The following COPG2 variants were observed in gnomAD, a reference collection of about 807,000 sequenced individuals.
COPG2 encodes the protein coatomer subunit gamma-2.
COPG2 carries 37 observed loss-of-function variants against 46.3 expected under a neutral mutation model. The observed-to-expected ratio is 0.80, with a 90% CI of 0.61 to 1.05. COPG2 has a LOEUF of 1.05. COPG2 is among the 50% of genes least tolerant of loss of function. The pLI, the probability that COPG2 is intolerant of heterozygous loss-of-function variation, is 0.00. For synonymous variants in COPG2, 159 were observed against 129.7 expected, an observed-to-expected ratio of 1.23 and a Z score of -1.53; for missense variants, 427 against 387.8, an observed-to-expected ratio of 1.10 and a Z score of -0.85.
chr7:130,603,955 T>C (rs1181772665), intron 9 of COPG2: 6 of 443,568 alleles, frequency 1.4e-5, no homozygotes, highest in African/African-American at 1.2e-4. Context: ...GTAATATATA[T>C]TGTATTCTTA....
intron 9 of COPG2, among the ~76,000 whole-genome samples, chr7:130,609,476 G>A (rs971985258): frequency 7.9e-5 from 12 of 152,298 alleles, no homozygotes; most frequent in Non-Finnish European, 1.8e-4. Flanking sequence ...CCCCAGCCAC[G>A]TGGAATTGTA....
At chr7:130,535,459 C>A (rs1247224308) in intron 20 of COPG2, among the ~76,000 whole-genome samples, 1 of 151,662 alleles carries the variant, frequency 6.6e-6, no homozygotes, top group Non-Finnish European at 1.5e-5. Context: ...AGAGTAGGAA[C>A]CAAGGAATGT....
chr7:130,617,021 G>A lies in COPG2; in HGVS notation c.368C>T (p.Pro123Leu), dbSNP rs782569673. 14 of 1,611,012 alleles carry A rather than the reference G, an allele frequency of 8.7e-6. No individual in the cohort carries two copies. Among genetic ancestry groups the A allele is most frequent in the South Asian group, 5.5e-5 (5 of 90,794 alleles). Residue 123 changes from proline to leucine, a missense_variant, in exon 6 of 24, where the codon CCG becomes CTG. By Grantham distance (98) the Pro-to-Leu change is moderately conservative. Coordinates refer to ENST00000425248, the MANE Select transcript of COPG2 (RefSeq NM_012133.6). ...GATCCTGCAGAGAGCTCTGATGGCC[G>A]GGCCTCGGTATACATCTTCTTTTCC... is the stretch of plus-strand genomic sequence containing the variant. Reference protein sequence around the residue: ...MTGKEDVYRGPAIRALCRITD... With the variant: ...MTGKEDVYRGLAIRALCRITD...
At chr7:130,507,063 T>C (rs947283615) in intron 23 of COPG2, among the ~76,000 whole-genome samples, 14 of 152,212 alleles carry the variant, frequency 9.2e-5, no homozygotes, top group African/African-American at 3.1e-4. Flanking sequence ...GGCCTTGGTA[T>C]CTGTTGGAGA....
intron 13 of COPG2, 50 bp downstream of exon 13, chr7:130,554,987 C>G (rs965931404): frequency 5.0e-6 from 2 of 397,962 alleles, no homozygotes; most frequent in Non-Finnish European, 8.9e-6. Flanking sequence ...CATGGCAATC[C>G]TAAGAATTTA....
rs10695449 is a variant in COPG2 at position 130,618,100 on chromosome 7, C to CAAAA, written c.324-1039_324-1036dup. Among the ~76,000 whole-genome samples the CAAAA allele has an allele frequency of 2.3e-3, 151 of 64,598 alleles. 7 individuals carry two copies. Among genetic ancestry groups the CAAAA allele is most frequent in the African/African-American group, 7.0e-3 (130 of 18,504 alleles). The allele number at this position is 64,598 out of a possible 152,430, so 42.4% of individuals were successfully genotyped here. A position where few individuals can be genotyped will look rare whatever the true frequency, so the allele number is the denominator to read the frequency against. ...TGGGTGACAGAGTGAGACCCTGTCTCAAAAAAAAAAAAAAAAAAAGACTTT... is the reference window on the plus strand; with the variant it reads ...TGGGTGACAGAGTGAGACCCTGTCTCAAAAAAAAAAAAAAAAAAAAAAAGACTTT... On this transcript the variant is annotated intron_variant, in intron 5 of 23. Transcript: ENST00000425248.
chr7:130,645,394 A>G (rs1795576140), intron 5 of COPG2: 1 of 529,804 alleles, frequency 1.9e-6, no homozygotes, highest in African/African-American at 1.9e-5. Context: ...GACCGACTCC[A>G]TGGGCTCCAC....
rs989269700 is a variant in COPG2 at position 130,594,306 on chromosome 7, C to A, written c.737+16647G>T. Among the ~76,000 whole-genome samples, 5 of 152,026 alleles carry A rather than the reference C, an allele frequency of 3.3e-5. No homozygotes were observed. In the East Asian group the frequency reaches 5.8e-4, roughly 18 times the overall value. ...AAACGGTGCTGAGACAACTGGATAG[C>A]CACATGCAAAGAATTAAGTTGAATC... On this transcript the variant is annotated intron_variant, in intron 9 of 23. Coordinates refer to ENST00000425248, the MANE Select transcript of COPG2 (RefSeq NM_012133.6).
rs548326178 is a variant in COPG2, at chr7:130,591,731, G to A, written c.737+19222C>T. ...CCGCCCAGTCCGGGAAGGAGGTGGGGGGGTCAGCCCCCCGCCCGGCCAGCC... is the reference window on the plus strand; with the variant it reads ...CCGCCCAGTCCGGGAAGGAGGTGGGAGGGTCAGCCCCCCGCCCGGCCAGCC... On this transcript the variant is annotated intron_variant, in intron 9 of 23. Coordinates refer to ENST00000425248, the MANE Select transcript of COPG2 (RefSeq NM_012133.6). 3.1e-3 allele frequency among the ~76,000 whole-genome samples: 445 copies of A among 141,658 alleles called. 2 individuals carry two copies. Among genetic ancestry groups the A allele is most frequent in the African/African-American group, 0.012 (431 of 36,228 alleles). The allele number at this position is 141,658 out of a possible 152,430, so 92.9% of individuals were successfully genotyped here. A position where few individuals can be genotyped will look rare whatever the true frequency, so the allele number is the denominator to read the frequency against.
intron 20 of COPG2, among the ~76,000 whole-genome samples, chr7:130,525,716 T>A (rs922119638): frequency 1.8e-4 from 27 of 152,180 alleles, no homozygotes; most frequent in East Asian, 1.7e-3. Context: ...GTGGGTCTCG[T>A]AGTTGTAATG....
intron 5 of COPG2, among the ~76,000 whole-genome samples, chr7:130,627,025 C>T (rs1795132385): frequency 6.6e-6 from 1 of 152,190 alleles, no homozygotes; most frequent in Admixed American, 6.5e-5. Flanking sequence ...GCTGGGACCA[C>T]AAGCATGCCC....
At chr7:130,514,517 A>G (rs1197935681) in intron 20 of COPG2, among the ~76,000 whole-genome samples, 5 of 152,232 alleles carry the variant, frequency 3.3e-5, no homozygotes, top group African/African-American at 1.2e-4. Flanking sequence ...GACAGACACT[A>G]GAGAGAATTT....
intron 14 of COPG2, among the ~76,000 whole-genome samples, chr7:130,553,016 G>A (rs1793557322): frequency 6.6e-6 from 1 of 152,178 alleles, no homozygotes; most frequent in Admixed American, 6.5e-5. Context: ...ATTGGTGGTG[G>A]AAAACTAAGA....
intron 9 of COPG2, among the ~76,000 whole-genome samples, chr7:130,567,660 G>A (rs1793826362): frequency 1.3e-5 from 2 of 152,042 alleles, no homozygotes; most frequent in Non-Finnish European, 2.9e-5. Context: ...CCTATCGATA[G>A]CCTCCTTAAA....
Position 130,506,776 on chromosome 7 carries a change from A to G in COPG2, c.2516T>C (p.Val839Ala), listed in dbSNP as rs374885325. ...GIFRGGYDLL[V>A]RSRLALADGV... The stretch of plus-strand genomic sequence containing the variant: ...ATCGGCTAAGGCCAGCCTGGACCTC[A>G]CCAATAAATCATAGCCACCTCTGAA... The change falls in exon 24 of 24, where the codon GTG becomes GCG. Residue 839 changes from valine (V) to alanine (A), a missense_variant. Coordinates refer to ENST00000425248, the MANE Select transcript of COPG2 (RefSeq NM_012133.6). 10 of 780,012 alleles carry G rather than the reference A, an allele frequency of 1.3e-5. No homozygotes were observed. Among genetic ancestry groups the G allele is most frequent in the Non-Finnish European group, 2.2e-5 (9 of 417,594 alleles). The allele number at this position is 780,012 out of a possible 1,614,324, so 48.3% of individuals were successfully genotyped here.
At position 130,667,480 on chromosome 7, in the gene COPG2, A is replaced by T. The variant is rs1554461631; in HGVS notation, c.90+2T>A. On this transcript the variant is annotated splice_donor_variant, in intron 2 of 23. Coordinates refer to ENST00000425248, the MANE Select transcript of COPG2 (RefSeq NM_012133.6). LOFTEE classifies it high-confidence loss of function. ...AGGGCACAAGATACTTCCCAGTCAT[A>T]CCTCCTGTAAAACAGCACTCTTCTC... The T allele has an allele frequency of 6.2e-7, 1 of 1,612,724 alleles. No individual in the cohort carries two copies. The highest frequency in any genetic ancestry group is 1.1e-5 in the South Asian group (1 of 90,934).
At chr7:130,534,465 CG>C (rs1412007123) in intron 20 of COPG2, among the ~76,000 whole-genome samples, 5 of 151,778 alleles carry the variant, frequency 3.3e-5, no homozygotes, top group African/African-American at 1.2e-4. Context: ...GTGCAGCTTT[CG>C]AAGCAAAATA....
At chr7:130,559,767 A>C (rs1266600176) in intron 12 of COPG2, among the ~76,000 whole-genome samples, 2 of 152,240 alleles carry the variant, frequency 1.3e-5, no homozygotes, top group Non-Finnish European at 2.9e-5. Context: ...AGCAACTGCT[A>C]CACCAGATGC....
At chr7:130,583,805 CAAAAAAAAAAAAAAAAAAA>C (rs1168370976) in intron 9 of COPG2, among the ~76,000 whole-genome samples, 1 of 12,322 alleles carries the variant, frequency 8.1e-5, no homozygotes, top group African/African-American at 3.2e-4. Context: ...GACTCCATCT[CAAAAAAAAAAAAAAAAAAA>C]AAAAAAAAAA....
Sources: gnomAD v4.1 joint callset for allele counts (sites outside exome capture counted in the v4.1 genomes callset) on GRCh38, gnomAD v4.1.1 for gene constraint, MANE v1.5 for transcripts, NCBI Gene and HGNC (gene_info 2026-07-23, HGNC 2026-07-21) for gene names.